ERMARD: variants seen among roughly 807,000 people sequenced by gnomAD.
ERMARD encodes ER membrane associated RNA degradation.
Under a neutral mutation model 83.9 loss-of-function variants are expected in ERMARD, and 71 were observed. The observed-to-expected ratio is 0.85, with a 90% confidence interval of 0.70 to 1.03. ERMARD has a LOEUF of 1.03. ERMARD is among the 50% of genes least tolerant of loss of function. The pLI, the probability that ERMARD is intolerant of heterozygous loss-of-function variation, is 0.00. For missense variants in ERMARD, 838 were observed against 810.9 expected, an observed-to-expected ratio of 1.03 and a Z score of -0.41; for synonymous variants, 284 against 298.6, an observed-to-expected ratio of 0.95 and a Z score of 0.50.
chr6:169,774,825 A>AT (rs1793391331), intron 13 of ERMARD, among the ~76,000 whole-genome samples: 1 of 147,640 alleles, frequency 6.8e-6, no homozygotes, highest in African/African-American at 2.6e-5. Context: ...CAGGGGCTTC[A>AT]TGGGGGTCCT....
chr6:169,751,596 T>C, upstream of ERMARD: 1 of 1,596,264 alleles, frequency 6.3e-7, no homozygotes, highest in Non-Finnish European at 8.5e-7. Context: ...CCAAAGCGCC[T>C]GGAGGAGGGG....
At chr6:169,775,388 G>T in intron 14 of ERMARD, 42 bp downstream of exon 14, 1 of 1,594,936 alleles carries the variant, frequency 6.3e-7, no homozygotes, top group Non-Finnish European at 8.6e-7. Flanking sequence ...AAGCTTGTCT[G>T]GTACTATTAG....
Position 169,762,447 on chromosome 6 carries a change from A to G in ERMARD, c.876A>G (p.Ile292Met), listed in dbSNP as rs745993112. ...FKSHRFADCA[I>M]LLLTQLETGL... ...TTCATAGGTTTGCTGACTGCGCCAT[A>G]TTGTTGCTGACACAACTGGAGACTG... The change falls in exon 9 of 18, where the codon ATA becomes ATG. Residue 292 changes from isoleucine (I) to methionine (M), a missense_variant. Transcript: ENST00000366773. The G allele has an allele frequency of 9.9e-6, 16 of 1,613,984 alleles. No homozygotes were observed. In the East Asian group the frequency reaches 2.2e-4, roughly 22 times the overall value.
intron 13 of ERMARD, among the ~76,000 whole-genome samples, chr6:169,773,855 A>AG (rs1402560719): frequency 3.3e-5 from 5 of 152,228 alleles, no homozygotes; most frequent in African/African-American, 1.2e-4. Context: ...AAATCAGCTA[A>AG]GGTGCTTTAT....
At position 169,768,303 on chromosome 6, in the gene ERMARD, C is replaced by T. The variant is rs1372885891; in HGVS notation, c.1059+132C>T. On this transcript the variant is annotated intron_variant, in intron 11 of 17. Transcript: ENST00000366773. ...CTTCTGAAACATTGCTGTGCTGTCT[C>T]AGCTTCAGCCACCAATCAGCTGATG... 4 of 755,698 alleles carry T rather than the reference C, an allele frequency of 5.3e-6. No homozygotes were observed. The Admixed American group carries it at 1.1e-4, about 20-fold the overall frequency. The allele number at this position is 755,698 out of a possible 1,614,324, so 46.8% of individuals were successfully genotyped here. A position where few individuals can be genotyped will look rare whatever the true frequency, so the allele number is the denominator to read the frequency against.
At chr6:169,752,158 C>G (rs1790202468) in intron 1 of ERMARD, among the ~76,000 whole-genome samples, 1 of 152,210 alleles carries the variant, frequency 6.6e-6, no homozygotes, top group Non-Finnish European at 1.5e-5. Context: ...GAGGTGGAGG[C>G]TGCAGTGAGC....
At chr6:169,760,314 A>G (rs574658538) in intron 7 of ERMARD, among the ~76,000 whole-genome samples, 1 of 152,278 alleles carries the variant, frequency 6.6e-6, no homozygotes, top group African/African-American at 2.4e-5. Context: ...ACTCATGATC[A>G]TTATGCCAGA....
chr6:169,766,750 A>G, intron 10 of ERMARD, 83 bp downstream of exon 10: 1 of 1,388,276 alleles, frequency 7.2e-7, no homozygotes, highest in Middle Eastern at 2.5e-4. Flanking sequence ...GCAAAATTAA[A>G]GATCAGCCAT....
chr6:169,752,912 A>G (rs1173749359), intron 1 of ERMARD: 2 of 152,258 alleles, frequency 1.3e-5, no homozygotes, highest in Non-Finnish European at 2.9e-5. Context: ...CCCCTTTAAC[A>G]AATGAAAGGA....
At chr6:169,751,583 G>T (rs771808093), upstream of ERMARD, 18 of 1,601,830 alleles carry the variant, frequency 1.1e-5, no homozygotes, top group East Asian at 2.5e-4. Context: ...GCCCGCCAGG[G>T]CTCCAAAGCG....
Position 169,775,372 on chromosome 6 carries a change from G to A in ERMARD, c.1394+26G>A, listed in dbSNP as rs1000396256. ...GTGCGTGGCATCCTGGGGCCTGGCT[G>A]ACCTCAAGCTTGTCTGGTACTATTA... On this transcript the variant is annotated intron_variant, in intron 14 of 17. Coordinates refer to ENST00000366773, the MANE Select transcript of ERMARD (RefSeq NM_018341.3). 11 of 1,612,108 alleles carry A rather than the reference G, an allele frequency of 6.8e-6. No homozygotes were observed. The African/African-American group carries it at 1.1e-4, about 16-fold the overall frequency.
Position 169,781,563 on chromosome 6 carries a change from T to C in ERMARD, c.*50T>C, listed in dbSNP as rs1794201044. 6.6e-7 allele frequency: 1 copy of C among 1,513,966 alleles called. No individual in the cohort carries two copies. The allele number at this position is 1,513,966 out of a possible 1,614,324, so 93.8% of individuals were successfully genotyped here. ...AATTTTAACAGATTTTAACAGCGTG[T>C]AAATTAAAAACCCAAAGACAGGGTG... On this transcript the variant is annotated 3_prime_UTR_variant, in exon 18 of 18. Transcript: ENST00000366773.
chr6:169,776,195 C>T, intron 15 of ERMARD, 130 bp downstream of exon 15: 1 of 1,522,180 alleles, frequency 6.6e-7, no homozygotes, highest in Non-Finnish European at 8.9e-7. Context: ...GTTACTGCTC[C>T]AGGAGGAATT....
chr6:169,758,070 C>T (rs1263566985), intron 5 of ERMARD, among the ~76,000 whole-genome samples: 1 of 152,208 alleles, frequency 6.6e-6, no homozygotes, highest in Non-Finnish European at 1.5e-5. Context: ...AGAAGAACTG[C>T]TTGTTAAATG....
intron 14 of ERMARD, among the ~76,000 whole-genome samples, chr6:169,775,628 G>A (rs7773641): frequency 8.9e-4 from 125 of 140,836 alleles, no homozygotes; most frequent in African/African-American, 3.0e-3. Flanking sequence ...AAGAAAGATG[G>A]GTCTGAAGCT....
chr6:169,758,379 C>T (rs149401002), intron 5 of ERMARD, among the ~76,000 whole-genome samples: 12 of 152,282 alleles, frequency 7.9e-5, no homozygotes, highest in South Asian at 2.1e-4. Flanking sequence ...TTTATTAGGA[C>T]GCCTGGTTGG....
chr6:169,777,026 C>T (rs757584499), intron 16 of ERMARD, among the ~76,000 whole-genome samples: 12 of 152,182 alleles, frequency 7.9e-5, no homozygotes, highest in Non-Finnish European at 1.3e-4. Flanking sequence ...TCTGGAAAGG[C>T]GGGAAAATAC....
intron 9 of ERMARD, among the ~76,000 whole-genome samples, chr6:169,763,834 G>A (rs1022054263): frequency 5.3e-5 from 8 of 152,246 alleles, no homozygotes; most frequent in Non-Finnish European, 7.3e-5. Flanking sequence ...GCAGTGCTGC[G>A]AGGGCAGCTT....
intron 2 of ERMARD, among the ~76,000 whole-genome samples, chr6:169,754,615 T>G (rs1790563118): frequency 6.6e-6 from 1 of 152,130 alleles, no homozygotes; most frequent in Admixed American, 6.5e-5. Flanking sequence ...AGTAGGGGAT[T>G]GGTTCAGTAA....
Sources: allele counts gnomAD v4.1 joint callset (sites outside exome capture counted in the v4.1 genomes callset), GRCh38; gene constraint gnomAD v4.1.1; transcripts MANE v1.5; gene names NCBI Gene and HGNC (gene_info 2026-07-23, HGNC 2026-07-21).